The following PRSS48 variants were observed in gnomAD, a reference collection of about 807,000 sequenced individuals.
PRSS48 encodes serine protease 48, also known as epidermis-specific serine protease-like protein.
In PRSS48, 21 loss-of-function variants were observed where a neutral mutation model predicts 25.6. That is an observed-to-expected ratio of 0.82 (90% CI 0.58 to 1.18). The LOEUF (loss-of-function observed/expected upper bound fraction) is 1.18. PRSS48 is among the 50% of genes most tolerant of loss of function. The pLI is 0.00. For missense variants in PRSS48, 373 were observed against 399.3 expected (o/e 0.93, Z 0.56); for synonymous variants, 150 against 149.3 (o/e 1.00, Z -0.04).
intron 4 of PRSS48, among the ~76,000 whole-genome samples, chr4:151,284,065 T>C (rs1188637880): frequency 6.6e-6 from 1 of 152,190 alleles, no homozygotes; most frequent in African/African-American, 2.4e-5. Context: ...TTTGCATTTA[T>C]CCTATTTGGG....
chr4:151,278,500 A>T (rs1422976263), intron 1 of PRSS48, among the ~76,000 whole-genome samples: 1 of 152,046 alleles, frequency 6.6e-6, no homozygotes, highest in East Asian at 1.9e-4. Context: ...TGTGAAAAGT[A>T]AGAAAAGTCT....
At chr4:151,279,928 T>C (rs768084103) in exon 2 of PRSS48, 2 of 1,613,562 alleles carry the variant, frequency 1.2e-6, no homozygotes, top group Non-Finnish European at 1.7e-6. Context: ...AGTGAGAGGT[T>C]GATACTGACA....
At chr4:151,289,407 C>T (rs984497667) in intron 4 of PRSS48, among the ~76,000 whole-genome samples, 1 of 152,120 alleles carries the variant, frequency 6.6e-6, no homozygotes, top group East Asian at 1.9e-4. Context: ...AACTTTTATG[C>T]TTCAATGGAC....
intron 1 of PRSS48, among the ~76,000 whole-genome samples, chr4:151,278,294 A>G (rs1425851207): frequency 6.6e-6 from 1 of 151,884 alleles, no homozygotes; most frequent in Non-Finnish European, 1.5e-5. Flanking sequence ...TAAGAGACAG[A>G]GTCTCACTCT....
intron 4 of PRSS48, among the ~76,000 whole-genome samples, chr4:151,285,994 G>A (rs1438071640): frequency 6.1e-5 from 9 of 148,284 alleles, no homozygotes; most frequent in Admixed American, 6.1e-4. Flanking sequence ...CCAGGAGTTC[G>A]AGACCAGCCT....
chr4:151,282,141 C>T lies in PRSS48; in HGVS notation c.216-7C>T, dbSNP rs536781592. ...CCATAAGCAGGCCTCCTTTCTTTTC[C>T]CCATAGGACCTGGACTACTTTTTCA... is the stretch of plus-strand genomic sequence containing the variant. On this transcript the variant is annotated splice_polypyrimidine_tract_variant and splice_region_variant and intron_variant, in intron 2 of 4. Coordinates refer to ENST00000455694, the Ensembl canonical transcript of PRSS48. 1 of 1,612,522 alleles carries T rather than the reference C, an allele frequency of 6.2e-7. No individual in the cohort carries two copies. Among genetic ancestry groups the T allele is most frequent in the South Asian group, 1.1e-5 (1 of 90,944 alleles).
chr4:151,282,393 G>C (rs763174714), exon 3 of PRSS48: 1 of 1,613,866 alleles, frequency 6.2e-7, no homozygotes, highest in Non-Finnish European at 8.5e-7. Flanking sequence ...ACCGGATGGG[G>C]AAAAGTTAAG....
At chr4:151,288,607 C>A (rs1775041996) in intron 4 of PRSS48, among the ~76,000 whole-genome samples, 1 of 150,870 alleles carries the variant, frequency 6.6e-6, no homozygotes, top group Non-Finnish European at 1.5e-5. Flanking sequence ...ACTTGCTGGG[C>A]GTAGTGAGCT....
At chr4:151,281,170 T>G (rs115158219) in intron 2 of PRSS48, among the ~76,000 whole-genome samples, 1 of 152,172 alleles carries the variant, frequency 6.6e-6, no homozygotes, top group African/African-American at 2.4e-5. Context: ...AAAAAAAAGA[T>G]AGTATTGATA....
Position 151,279,815 on chromosome 4 carries a change from C to A in PRSS48, c.72C>A (p.Tyr24Ter), listed in dbSNP as rs1335139997. Residue 24 changes from tyrosine to a stop codon, truncating the protein, a stop_gained, in exon 2 of 5, where the codon TAC (tyrosine) becomes TAA (stop). Transcript: ENST00000455694. LOFTEE classifies it high-confidence loss of function. ...CTCTAGTGTGTGGGCAACCTGTATA[C>A]TCCAGCCGCGTTGTAGGTGGCCAGG... is the stretch of plus-strand genomic sequence containing the variant. 1 of 1,613,870 alleles carries A rather than the reference C, an allele frequency of 6.2e-7. No homozygotes were observed. Among genetic ancestry groups the A allele is most frequent in the Non-Finnish European group, 8.5e-7 (1 of 1,179,896 alleles).
At chr4:151,287,341 C>CAAA in intron 4 of PRSS48, among the ~76,000 whole-genome samples, 1 of 82,382 alleles carries the variant, frequency 1.2e-5, no homozygotes, top group East Asian at 3.1e-4. Flanking sequence ...ACTCTGTCTC[C>CAAA]AAAAAAAAAA....
chr4:151,280,887 T>C (rs1774158671), intron 2 of PRSS48, among the ~76,000 whole-genome samples: 1 of 152,118 alleles, frequency 6.6e-6, no homozygotes, highest in Admixed American at 6.6e-5. Context: ...ATTCTACCCA[T>C]ATGCAAACTA....
chr4:151,277,196 C>A, exon 1 of PRSS48: 1 of 1,499,872 alleles, frequency 6.7e-7, no homozygotes, highest in Non-Finnish European at 9.0e-7. Flanking sequence ...GCTGTGCCTT[C>A]ACGCTGCTCC....
At chr4:151,282,500 G>T in intron 3 of PRSS48, 87 bp downstream of exon 3, 1 of 1,413,486 alleles carries the variant, frequency 7.1e-7, no homozygotes, top group Non-Finnish European at 9.6e-7. Context: ...CCTTACCATG[G>T]AAAATATTTT....
chr4:151,282,112 C>A, intron 2 of PRSS48, 36 bp from the exon 3 acceptor site: 4 of 1,607,266 alleles, frequency 2.5e-6, no homozygotes, highest in Non-Finnish European at 3.4e-6. Context: ...GACCCAGCTG[C>A]AGGCCATAAG....
chr4:151,283,730 C>T (rs1774475192), intron 4 of PRSS48, among the ~76,000 whole-genome samples: 1 of 151,950 alleles, frequency 6.6e-6, no homozygotes, highest in Admixed American at 6.6e-5. Flanking sequence ...CACTATGTTG[C>T]CCAGGCTGAT....
intron 2 of PRSS48, among the ~76,000 whole-genome samples, chr4:151,281,015 G>A (rs114064547): frequency 2.0e-3 from 310 of 152,184 alleles, no homozygotes; most frequent in African/African-American, 7.1e-3. Flanking sequence ...CAAAATAAAG[G>A]GGGAAAAACA....
At chr4:151,277,283 T>A in intron 1 of PRSS48, 59 bp downstream of exon 1, 1 of 1,356,698 alleles carries the variant, frequency 7.4e-7, no homozygotes, top group Non-Finnish European at 9.9e-7. Context: ...AAAGAGGGCA[T>A]CACATAGAAC....
Position 151,282,308 on chromosome 4 carries a change from T to G in PRSS48, c.376T>G (p.Phe126Val), listed in dbSNP as rs1774323866. ...GTTGAAACTGTCCTCTCAAGTCACC[T>G]TCACTTCTGCCATCCTGCCTATTTG... is the stretch of plus-strand genomic sequence containing the variant. The change falls in exon 3 of 5, where the codon TTC becomes GTC. Residue 126 changes from phenylalanine to valine, a missense_variant. By Grantham distance (50) the Phe-to-Val change is conservative. Coordinates refer to ENST00000455694, the Ensembl canonical transcript of PRSS48. 4 of 1,613,840 alleles carry G rather than the reference T, an allele frequency of 2.5e-6. No homozygotes were observed. The South Asian group carries it at 4.4e-5, about 18-fold the overall frequency.
Sources: allele counts gnomAD v4.1 joint callset (sites outside exome capture counted in the v4.1 genomes callset), GRCh38; gene constraint gnomAD v4.1.1; transcripts MANE v1.5; gene names NCBI Gene and HGNC (gene_info 2026-07-23, HGNC 2026-07-21).